Variants in FRMD3 observed in about 807,000 individuals in gnomAD.
FRMD3 encodes the protein FERM domain-containing protein 3.
FRMD3 carries 33 observed loss-of-function variants against 70.2 expected under a neutral mutation model. That is an observed-to-expected ratio of 0.47 (90% confidence interval 0.36 to 0.63). The LOEUF is 0.63. Ranked by LOEUF, FRMD3 falls within the 20% of genes least tolerant of loss-of-function variation. The probability of loss-of-function intolerance (pLI) is 0.00; values close to 1 mark genes in which losing one functional copy is unlikely to be tolerated. For synonymous variants in FRMD3, 279 were observed against 255.9 expected, an observed-to-expected ratio of 1.09 and a Z score of -0.86; for missense variants, 632 against 711.4, an observed-to-expected ratio of 0.89 and a Z score of 1.27.
the FRMD3 span, among the ~76,000 whole-genome samples, chr9:83,584,835 T>C: frequency 6.6e-6 from 1 of 152,152 alleles, no homozygotes; most frequent in Non-Finnish European, 1.5e-5. Context: ...ATCCGTGAAA[T>C]GGATCGATAA....
chr9:83,303,832 A>G (rs972034045), intron 10 of FRMD3, among the ~76,000 whole-genome samples: 26 of 152,278 alleles, frequency 1.7e-4, no homozygotes, highest in African/African-American at 6.3e-4. Flanking sequence ...ATACGAAAAC[A>G]TTTTCATCAC....
chr9:83,299,859 C>G (rs1469738057), intron 10 of FRMD3, among the ~76,000 whole-genome samples: 1 of 152,172 alleles, frequency 6.6e-6, no homozygotes, highest in African/African-American at 2.4e-5. Context: ...TAAATAAGAG[C>G]AAAACAACAA....
At chr9:83,366,358 T>C (rs951089090) in intron 3 of FRMD3, among the ~76,000 whole-genome samples, 1 of 151,818 alleles carries the variant, frequency 6.6e-6, no homozygotes, top group African/African-American at 2.4e-5. Flanking sequence ...ATCACCTGAG[T>C]TCAGAAGTTC....
chr9:83,267,269 G>A (rs769677197), intron 13 of FRMD3: 202 of 1,491,542 alleles, frequency 1.4e-4, no homozygotes, highest in Middle Eastern at 3.6e-4. Context: ...TTCCTAATGC[G>A]GCCAACAGAA....
chr9:83,325,433 C>A (rs973817003), intron 6 of FRMD3, among the ~76,000 whole-genome samples: 1 of 152,146 alleles, frequency 6.6e-6, no homozygotes, highest in East Asian at 1.9e-4. Context: ...ATCAAGTGAT[C>A]CTCCCACCTC....
At chr9:83,522,466 T>A (rs974673236) in intron 1 of FRMD3, among the ~76,000 whole-genome samples, 2 of 151,956 alleles carry the variant, frequency 1.3e-5, no homozygotes, top group Admixed American at 1.3e-4. Context: ...AGATTTTTTT[T>A]AATGGCTAAC....
chr9:83,380,655 CA>C (rs993085418), intron 2 of FRMD3, among the ~76,000 whole-genome samples: 5 of 151,666 alleles, frequency 3.3e-5, no homozygotes, highest in Non-Finnish European at 5.9e-5. Context: ...ACTGCTAAGA[CA>C]AAAAAAATTG....
intron 1 of FRMD3, among the ~76,000 whole-genome samples, chr9:83,526,229 G>A (rs780560087): frequency 2.6e-5 from 4 of 152,150 alleles, no homozygotes; most frequent in Non-Finnish European, 4.4e-5. Flanking sequence ...TGTACTTGGC[G>A]TAATGGTCTG....
the FRMD3 span, among the ~76,000 whole-genome samples, chr9:83,555,778 G>A: frequency 1.3e-5 from 2 of 152,196 alleles, no homozygotes; most frequent in African/African-American, 4.8e-5. Context: ...GCATGCTTGA[G>A]CAGCTGCTCT....
chr9:83,400,599 T>C (rs756573655), intron 1 of FRMD3, among the ~76,000 whole-genome samples: 7 of 152,274 alleles, frequency 4.6e-5, no homozygotes, highest in African/African-American at 7.2e-5. Context: ...TGACAAACAA[T>C]GTCAGAGGAC....
intron 6 of FRMD3, among the ~76,000 whole-genome samples, chr9:83,325,899 C>T (rs754488887): frequency 6.6e-6 from 1 of 152,154 alleles, no homozygotes; most frequent in Non-Finnish European, 1.5e-5. Context: ...ACATGACATT[C>T]AAATTTCAGT....
chr9:83,251,218 G>A (rs187260317), intron 13 of FRMD3, among the ~76,000 whole-genome samples: 1 of 152,298 alleles, frequency 6.6e-6, no homozygotes, highest in African/African-American at 2.4e-5. Flanking sequence ...AGGGATAGAA[G>A]AAACTAAGGC....
At chr9:83,254,806 A>G (rs1482199459) in intron 13 of FRMD3, among the ~76,000 whole-genome samples, 5 of 152,152 alleles carry the variant, frequency 3.3e-5, no homozygotes, top group Non-Finnish European at 7.3e-5. Context: ...GGACACATAC[A>G]CCTTCCCAAG....
intron 1 of FRMD3, chr9:83,467,632 T>G: frequency 1.3e-6 from 2 of 1,533,026 alleles, no homozygotes; most frequent in Non-Finnish European, 1.7e-6. Context: ...GAAAGCTGCA[T>G]AAGCAGGTCT....
At chr9:83,391,470 G>A (rs867274957) in intron 1 of FRMD3, among the ~76,000 whole-genome samples, 10 of 152,186 alleles carry the variant, frequency 6.6e-5, no homozygotes, top group Non-Finnish European at 5.9e-5. Context: ...TCATTAGGAT[G>A]TACTATAGGG....
chr9:83,256,671 GAA>G (rs148078066), intron 13 of FRMD3, among the ~76,000 whole-genome samples: 1 of 147,538 alleles, frequency 6.8e-6, no homozygotes, highest in African/African-American at 2.5e-5. Context: ...TTTATCAGGG[GAA>G]AAAAAAACCC....
intron 1 of FRMD3, among the ~76,000 whole-genome samples, chr9:83,391,129 A>G (rs545681989): frequency 6.6e-6 from 1 of 152,328 alleles, no homozygotes; most frequent in African/African-American, 2.4e-5. Flanking sequence ...TGAAACCTCC[A>G]TTTTCCTGAA....
rs4877742 is a variant in FRMD3, at chr9:83,245,856, C to G, written c.*2062G>C. The G allele has an allele frequency of 0.8, 789,715 of 984,560 alleles. 317,191 individuals carry two copies. The highest frequency in any genetic ancestry group is 0.96 in the East Asian group (8,463 of 8,810). The allele number at this position is 984,560 out of a possible 1,614,324, so 61.0% of individuals were successfully genotyped here. On this transcript the variant is annotated 3_prime_UTR_variant, in exon 14 of 14. Coordinates refer to ENST00000304195, the MANE Select transcript of FRMD3 (RefSeq NM_174938.6). ...GAAAAACACAAATTTCAATTTCAAA[C>G]CTAGCCATCTGCAAGCTTCCAAAAT...
chr9:83,290,877 T>A, intron 12 of FRMD3, 150 bp from the exon 13 acceptor site: 1 of 766,792 alleles, frequency 1.3e-6, no homozygotes, highest in African/African-American at 1.7e-5. Context: ...TGACGTAACA[T>A]TCAAGATAAA....
Sources: allele counts gnomAD v4.1 joint callset (sites outside exome capture counted in the v4.1 genomes callset), GRCh38; gene constraint gnomAD v4.1.1; transcripts MANE v1.5; gene names NCBI Gene and HGNC (gene_info 2026-07-23, HGNC 2026-07-21).